CASP6: variants seen among roughly 807,000 people sequenced by gnomAD.
CASP6 encodes caspase 6.
CASP6 carries 20 observed loss-of-function variants against 31.8 expected under a neutral mutation model. The observed-to-expected ratio is 0.63, with a 90% CI of 0.44 to 0.91. The LOEUF is 0.91. CASP6 is among the 40% of genes least tolerant of loss of function. CASP6 has a pLI of 0.00. For synonymous variants in CASP6, 130 were observed against 127.8 expected (o/e 1.02, Z -0.12); for missense variants, 328 against 361.1 (o/e 0.91, Z 0.74).
In CASP6 at chr4:109,690,805, T is replaced by C. The variant is rs199874868; in HGVS notation, c.643+45A>G. ...AATCAAAGGTGAAACTTACAGGACC[T>C]TAGCCAAGAGAGGCAATTATATGTT... is the stretch of plus-strand genomic sequence containing the variant. On this transcript the variant is annotated intron_variant, in intron 6 of 6. Transcript: ENST00000265164. The C allele has an allele frequency of 1.5e-5, 23 of 1,551,522 alleles. No individual in the cohort carries two copies. In the Admixed American group the frequency reaches 4.3e-4, roughly 29 times the overall value.
In CASP6 at chr4:109,688,724, ATACAAGT is replaced by A. The variant is rs1419498954; in HGVS notation, c.*599_*605del. 6.6e-6 allele frequency: 1 copy of A among 152,224 alleles called. No individual in the cohort carries two copies. Among genetic ancestry groups the A allele is most frequent in the Non-Finnish European group, 1.5e-5 (1 of 68,038 alleles). The allele number at this position is 152,224 out of a possible 1,614,324, so 9.4% of individuals were successfully genotyped here. A position where few individuals can be genotyped will look rare whatever the true frequency, so the allele number is the denominator to read the frequency against. ...TAAACTTTTATAAAAAAGTGACAAAATACAAGTTAAATCAGCTAGATTTTTGTGTAAC... is the reference window on the plus strand; with the variant it reads ...TAAACTTTTATAAAAAAGTGACAAAATAAATCAGCTAGATTTTTGTGTAAC... On this transcript the variant is annotated 3_prime_UTR_variant, in exon 7 of 7. Transcript: ENST00000265164.
At chr4:109,696,348 A>G (rs1293214433) in intron 4 of CASP6, 62 bp downstream of exon 4, 15 of 1,180,664 alleles carry the variant, frequency 1.3e-5, no homozygotes, top group Non-Finnish European at 1.7e-5. Flanking sequence ...GTCTTTACAG[A>G]TAGGATAAAG....
At chr4:109,671,401 G>A in the CASP6 span, among the ~76,000 whole-genome samples, 2 of 152,086 alleles carry the variant, frequency 1.3e-5, no homozygotes, top group East Asian at 3.9e-4. Context: ...TAGATATTTT[G>A]TTAGGTTTTT....
At chr4:109,680,640 G>A in the CASP6 span, among the ~76,000 whole-genome samples, 1 of 152,110 alleles carries the variant, frequency 6.6e-6, no homozygotes, top group Admixed American at 6.5e-5. Context: ...TCACCCCTCT[G>A]TGGCAGCTAT....
intron 1 of CASP6, among the ~76,000 whole-genome samples, chr4:109,698,726 A>G (rs1363865931): frequency 1.3e-5 from 2 of 152,248 alleles, no homozygotes. Context: ...TAAGTCCTAC[A>G]GGAAAACTGA....
chr4:109,705,292 A>G (rs1463095518), upstream of CASP6, among the ~76,000 whole-genome samples: 1 of 152,242 alleles, frequency 6.6e-6, no homozygotes, highest in Non-Finnish European at 1.5e-5. Context: ...GAGAATATTT[A>G]AAGCCCACTG....
chr4:109,673,732 C>T, the CASP6 span: 3 of 509,872 alleles, frequency 5.9e-6, no homozygotes, highest in African/African-American at 5.8e-5. Context: ...ATTAAGTTCA[C>T]AAGGAAGACA....
chr4:109,698,897 C>T (rs1361079423), intron 1 of CASP6, among the ~76,000 whole-genome samples: 1 of 152,212 alleles, frequency 6.6e-6, no homozygotes, highest in Non-Finnish European at 1.5e-5. Context: ...CTCTGCTCTC[C>T]ATTCTCAACT....
At chr4:109,698,881 G>A (rs1291059181) in intron 1 of CASP6, among the ~76,000 whole-genome samples, 1 of 152,164 alleles carries the variant, frequency 6.6e-6, no homozygotes, top group Non-Finnish European at 1.5e-5. Context: ...CCCTGTAAGG[G>A]GAGCCCTCTG....
At chr4:109,682,445 T>G in the CASP6 span, 1 of 676,250 alleles carries the variant, frequency 1.5e-6, no homozygotes, top group Non-Finnish European at 2.5e-6. Context: ...ACACCTTTGT[T>G]TACATGTTTG....
At chr4:109,708,219 T>C, upstream of CASP6, among the ~76,000 whole-genome samples, 1 of 152,240 alleles carries the variant, frequency 6.6e-6, no homozygotes, top group East Asian at 1.9e-4. Context: ...AACCATTTAC[T>C]GTTCATTGTA....
intron 5 of CASP6, among the ~76,000 whole-genome samples, chr4:109,693,767 C>A (rs1730151552): frequency 6.8e-6 from 1 of 146,736 alleles, no homozygotes; most frequent in Non-Finnish European, 1.5e-5. Flanking sequence ...TAGACAGAGT[C>A]TCGCTCTGAC....
In CASP6 at chr4:109,694,661, C is replaced by T. The variant is rs762584102; in HGVS notation, c.347G>A (p.Cys116Tyr). Reference sequence around the variant, plus strand: ...GCCTTCGCCATGGCTCAGGAAGACACACACAAAGCAATCGGCATCTGCGTG... The same window carrying T: ...GCCTTCGCCATGGCTCAGGAAGACATACACAAAGCAATCGGCATCTGCGTG... ...VSHADADCFV[C>Y]VFLSHGEGNH... Residue 116 changes from cysteine (C) to tyrosine (Y), a missense_variant, in exon 5 of 7, where the codon TGT becomes TAT. Coordinates refer to ENST00000265164, the MANE Select transcript of CASP6 (RefSeq NM_001226.4). 3 of 1,606,950 alleles carry T rather than the reference C, an allele frequency of 1.9e-6. No individual in the cohort carries two copies. The highest frequency in any genetic ancestry group is 2.5e-6 in the Non-Finnish European group (3 of 1,177,458).
At chr4:109,681,959 T>C in the CASP6 span, among the ~76,000 whole-genome samples, 3,670 of 152,330 alleles carry the variant, frequency 0.024, 68 homozygotes, top group Non-Finnish European at 0.039. Context: ...CATTGCTGGC[T>C]CGAATGCCTG....
chr4:109,709,362 A>G, the CASP6 span, among the ~76,000 whole-genome samples: 11 of 152,122 alleles, frequency 7.2e-5, no homozygotes, highest in African/African-American at 2.7e-4. Flanking sequence ...CCTACCAAGC[A>G]CTCTCTTCCC....
chr4:109,692,127 CATAAA>C (rs1415258770), intron 5 of CASP6: 1 of 152,188 alleles, frequency 6.6e-6, no homozygotes, highest in Non-Finnish European at 1.5e-5. Flanking sequence ...GATTTCAAAT[CATAAA>C]ATAAATAGAA....
downstream of CASP6, chr4:109,685,460 A>C: frequency 1.7e-6 from 1 of 603,138 alleles, no homozygotes; most frequent in South Asian, 2.4e-5. Flanking sequence ...CACAAATTAA[A>C]TCTTGGTCCT....
chr4:109,687,248 ACT>A (rs1447461190), downstream of CASP6, among the ~76,000 whole-genome samples: 2 of 152,054 alleles, frequency 1.3e-5, no homozygotes, highest in African/African-American at 4.8e-5. Context: ...GGTCCTAGCT[ACT>A]TGGGAGGCTG....
At chr4:109,696,791 T>G (rs1386072411) in intron 3 of CASP6, among the ~76,000 whole-genome samples, 1 of 149,526 alleles carries the variant, frequency 6.7e-6, no homozygotes. Flanking sequence ...GTTTTTTTTT[T>G]TTTTTTTTTT....
Sources: gnomAD v4.1 joint callset for allele counts (sites outside exome capture counted in the v4.1 genomes callset) on GRCh38, gnomAD v4.1.1 for gene constraint, MANE v1.5 for transcripts, NCBI Gene and HGNC (gene_info 2026-07-23, HGNC 2026-07-21) for gene names.